The following ATXN1 variants were observed in gnomAD, a reference collection of about 807,000 sequenced individuals.
ATXN1 encodes the protein ataxin 1.
Under a neutral mutation model 56.4 loss-of-function variants are expected in ATXN1, and 8 were observed. The observed-to-expected ratio is 0.14, with a 90% CI of 0.08 to 0.26. The LOEUF (loss-of-function observed/expected upper bound fraction) is 0.26. Ranked by LOEUF, ATXN1 falls within the 10% of genes least tolerant of loss-of-function variation. The probability of loss-of-function intolerance (pLI) is 1.00; values close to 1 mark genes in which losing one functional copy is unlikely to be tolerated. For missense variants in ATXN1, 987 were observed against 1,106.5 expected, an observed-to-expected ratio of 0.89 and a Z score of 1.53; for synonymous variants, 514 against 494.6, an observed-to-expected ratio of 1.04 and a Z score of -0.52.
chr6:16,680,262 C>A (rs900338820), intron 2 of ATXN1, among the ~76,000 whole-genome samples: 1 of 151,868 alleles, frequency 6.6e-6, no homozygotes, highest in Admixed American at 6.6e-5. Flanking sequence ...AGGGGTAGAC[C>A]CAGGCATCTT....
chr6:16,744,801 C>T (rs910687635), intron 2 of ATXN1, among the ~76,000 whole-genome samples: 2 of 152,144 alleles, frequency 1.3e-5, no homozygotes, highest in African/African-American at 4.8e-5. Context: ...TTTATTCCTG[C>T]CAGGTTGGCC....
At chr6:16,397,052 T>A (rs573318092) in intron 6 of ATXN1, among the ~76,000 whole-genome samples, 70 of 152,314 alleles carry the variant, frequency 4.6e-4, no homozygotes, top group Non-Finnish European at 7.6e-4. Flanking sequence ...GATGCATTTC[T>A]CAGAATGCAT....
intron 6 of ATXN1, among the ~76,000 whole-genome samples, chr6:16,391,512 T>C (rs1354892526): frequency 6.6e-6 from 1 of 152,242 alleles, no homozygotes; most frequent in African/African-American, 2.4e-5. Context: ...TGGGATCCAC[T>C]TTCTAAAAAT....
intron 6 of ATXN1, among the ~76,000 whole-genome samples, chr6:16,343,034 T>A (rs962303725): frequency 3.3e-5 from 5 of 152,162 alleles, no homozygotes; most frequent in African/African-American, 7.2e-5. Context: ...TTGTCACCAG[T>A]CAAAAATTTT....
chr6:16,334,877 G>A (rs1761082044), intron 6 of ATXN1, among the ~76,000 whole-genome samples: 1 of 152,246 alleles, frequency 6.6e-6, no homozygotes, highest in Admixed American at 6.5e-5. Flanking sequence ...CTGGAGGCAA[G>A]CAGATGAGTA....
chr6:16,551,777 C>T (rs1288220762), intron 4 of ATXN1, among the ~76,000 whole-genome samples: 1 of 152,136 alleles, frequency 6.6e-6, no homozygotes, highest in African/African-American at 2.4e-5. Context: ...CCTGCTGTGG[C>T]GCTTCCAGCT....
intron 2 of ATXN1, among the ~76,000 whole-genome samples, chr6:16,714,175 CA>C (rs1388369388): frequency 4.7e-5 from 1 of 21,364 alleles, no homozygotes; most frequent in African/African-American, 2.7e-4. Context: ...AAAAAAAAAC[CA>C]CACACCACAC....
At chr6:16,597,440 ATTT>A (rs375525131) in intron 3 of ATXN1, among the ~76,000 whole-genome samples, 31 of 143,072 alleles carry the variant, frequency 2.2e-4, no homozygotes, top group Admixed American at 4.8e-4. Context: ...GCATAAATCT[ATTT>A]TTTTTTTTTT....
chr6:16,707,205 T>C (rs1028940935), intron 2 of ATXN1, among the ~76,000 whole-genome samples: 3 of 152,186 alleles, frequency 2.0e-5, no homozygotes, highest in African/African-American at 7.2e-5. Flanking sequence ...CTAGGACATA[T>C]ACCATGTGTT....
chr6:16,440,161 C>G (rs1014162411), intron 6 of ATXN1, among the ~76,000 whole-genome samples: 3 of 150,804 alleles, frequency 2.0e-5, no homozygotes. Context: ...ATGGGTGGAT[C>G]GCTTGAACCC....
At chr6:16,482,870 T>C (rs1282951223) in intron 6 of ATXN1, among the ~76,000 whole-genome samples, 7 of 152,186 alleles carry the variant, frequency 4.6e-5, no homozygotes, top group Non-Finnish European at 1.0e-4. Context: ...AAATCATTGA[T>C]TTTTAGGAAC....
chr6:16,576,223 T>A (rs1042844880), intron 4 of ATXN1, among the ~76,000 whole-genome samples: 3 of 152,168 alleles, frequency 2.0e-5, no homozygotes, highest in Admixed American at 2.0e-4. Context: ...AAAGATGGAC[T>A]CCCTAAGTCT....
chr6:16,469,003 G>C (rs1187549178), intron 6 of ATXN1, among the ~76,000 whole-genome samples: 1 of 152,176 alleles, frequency 6.6e-6, no homozygotes, highest in African/African-American at 2.4e-5. Context: ...AGATTTTAAG[G>C]TTTCTAAAAT....
intron 6 of ATXN1, among the ~76,000 whole-genome samples, chr6:16,379,464 C>T (rs1483948536): frequency 1.3e-5 from 2 of 152,164 alleles, no homozygotes; most frequent in African/African-American, 4.8e-5. Context: ...AATAAGTACA[C>T]GTTTTACCCT....
intron 6 of ATXN1, among the ~76,000 whole-genome samples, chr6:16,398,119 C>T (rs1758492822): frequency 6.6e-6 from 1 of 151,998 alleles, no homozygotes; most frequent in Admixed American, 6.6e-5. Flanking sequence ...CATCTGGGCT[C>T]ACTTCTCTCC....
At chr6:16,313,614 T>C (rs539515043) in intron 7 of ATXN1, among the ~76,000 whole-genome samples, 3 of 151,930 alleles carry the variant, frequency 2.0e-5, no homozygotes, top group African/African-American at 7.2e-5. Flanking sequence ...TGGAGTGCAG[T>C]GGCACCATCT....
intron 6 of ATXN1, among the ~76,000 whole-genome samples, chr6:16,446,831 G>A (rs1475971690): frequency 6.6e-6 from 1 of 152,166 alleles, no homozygotes; most frequent in Admixed American, 6.5e-5. Context: ...AGTTTGCTGA[G>A]CGTGTGGTTA....
intron 6 of ATXN1, among the ~76,000 whole-genome samples, chr6:16,408,024 G>A (rs1420606339): frequency 6.6e-6 from 1 of 152,134 alleles, no homozygotes; most frequent in African/African-American, 2.4e-5. Flanking sequence ...TGCGGGATTG[G>A]GGGCATGGGG....
chr6:16,332,480 T>C (rs1266409991), intron 6 of ATXN1, among the ~76,000 whole-genome samples: 1 of 152,186 alleles, frequency 6.6e-6, no homozygotes, highest in Non-Finnish European at 1.5e-5. Flanking sequence ...TGCAGACAAC[T>C]GGCCTCTGTG....
Sources: gnomAD v4.1 joint callset for allele counts (sites outside exome capture counted in the v4.1 genomes callset) on GRCh38, gnomAD v4.1.1 for gene constraint, MANE v1.5 for transcripts, NCBI Gene and HGNC (gene_info 2026-07-23, HGNC 2026-07-21) for gene names.